Variants in TMEM45B observed in about 807,000 individuals in gnomAD.
The protein encoded by TMEM45B is transmembrane protein 45B.
In TMEM45B, 29 loss-of-function variants were observed where a neutral mutation model predicts 27.3. That is an observed-to-expected ratio of 1.06 (90% CI 0.79 to 1.45). TMEM45B has a LOEUF of 1.45. TMEM45B is among the 40% of genes most tolerant of loss of function. TMEM45B has a pLI of 0.00. For missense variants in TMEM45B, 348 were observed against 343.9 expected (o/e 1.01, Z -0.09); for synonymous variants, 143 against 134.7 (o/e 1.06, Z -0.43).
intron 1 of TMEM45B, among the ~76,000 whole-genome samples, chr11:129,835,224 A>C (rs1947606019): frequency 6.6e-6 from 1 of 152,258 alleles, no homozygotes; most frequent in Non-Finnish European, 1.5e-5. Context: ...CCATTCTACA[A>C]AAAGTGTGAA....
chr11:129,820,165 A>G (rs1156810812), intron 1 of TMEM45B, among the ~76,000 whole-genome samples: 1 of 151,972 alleles, frequency 6.6e-6, no homozygotes, highest in Admixed American at 6.6e-5. Flanking sequence ...AACACAAAAA[A>G]TCAGCCGGGC....
At chr11:129,857,204 C>A in intron 4 of TMEM45B, 109 bp from the exon 5 acceptor site, 1 of 1,303,198 alleles carries the variant, frequency 7.7e-7, no homozygotes, top group African/African-American at 1.5e-5. Context: ...AGTGTGGGAA[C>A]TATGAGGCGG....
chr11:129,815,867 G>A lies in TMEM45B; in HGVS notation c.-40G>A. 1 of 1,306,410 alleles carries A rather than the reference G, an allele frequency of 7.7e-7. No individual in the cohort carries two copies. The highest frequency in any genetic ancestry group is 9.7e-7 in the Non-Finnish European group (1 of 1,035,786). 80.9% of individuals were successfully genotyped at this position (1,306,410 alleles called of 1,614,324 possible). On this transcript the variant is annotated 5_prime_UTR_variant, in exon 1 of 6. Coordinates refer to ENST00000281441, the MANE Select transcript of TMEM45B (RefSeq NM_138788.5). ...GCGGACGCACTTGGCGCGCGGCGCG[G>A]GCTGCAGACGGCTGCGAGGCGCTGG... is the stretch of plus-strand genomic sequence containing the variant.
chr11:129,833,851 C>T (rs1490734650), intron 1 of TMEM45B, among the ~76,000 whole-genome samples: 1 of 152,240 alleles, frequency 6.6e-6, no homozygotes, highest in Non-Finnish European at 1.5e-5. Context: ...AGGCGGTCAT[C>T]TGCAAGCCCA....
intron 1 of TMEM45B, among the ~76,000 whole-genome samples, chr11:129,839,573 C>T (rs1383412997): frequency 2.0e-5 from 3 of 152,200 alleles, no homozygotes; most frequent in Admixed American, 6.5e-5. Flanking sequence ...TGTCACCCAG[C>T]GGTGGAGTGA....
chr11:129,839,672 T>C (rs1389155959), intron 1 of TMEM45B, among the ~76,000 whole-genome samples: 1 of 152,086 alleles, frequency 6.6e-6, no homozygotes, highest in Non-Finnish European at 1.5e-5. Context: ...CCCGAGTAGC[T>C]TGGACTACAG....
intron 1 of TMEM45B, among the ~76,000 whole-genome samples, chr11:129,847,805 C>T (rs1372073276): frequency 3.3e-5 from 5 of 152,126 alleles, no homozygotes; most frequent in Admixed American, 6.6e-5. Context: ...GACACAGCAA[C>T]CATCCGATTT....
rs567723417 is a variant in TMEM45B, at chr11:129,841,592, G to GTTTTTTTTTT, written c.-8-10876_-8-10867dup. On this transcript the variant is annotated intron_variant, in intron 1 of 5. Transcript: ENST00000281441. The stretch of plus-strand genomic sequence containing the variant: ...GCTTGAAGTTTTCTTTTGTTTTTTT[G>GTTTTTTTTTT]TTTTTTTTTTTTTTTTGGAGACAAG... Among the ~76,000 whole-genome samples, 27 of 124,586 alleles carry GTTTTTTTTTT rather than the reference G, an allele frequency of 2.2e-4. 2 individuals are homozygous for GTTTTTTTTTT. The highest frequency in any genetic ancestry group is 3.6e-4 in the Non-Finnish European group (22 of 61,346). The allele number at this position is 124,586 out of a possible 152,430, so 81.7% of individuals were successfully genotyped here. A position where few individuals can be genotyped will look rare whatever the true frequency, so the allele number is the denominator to read the frequency against.
At chr11:129,853,515 G>A (rs771089486) in intron 2 of TMEM45B, among the ~76,000 whole-genome samples, 22 of 152,246 alleles carry the variant, frequency 1.4e-4, no homozygotes, top group Non-Finnish European at 2.8e-4. Flanking sequence ...CCCGTGAGAA[G>A]TGACAGGGAC....
In TMEM45B at chr11:129,855,890, C is replaced by G. The variant is rs1235935028; in HGVS notation, c.568C>G (p.Gln190Glu). ...CATTCTTCAGGGAACCTGGTTCTGG[C>G]AGGTGATTTTCCACACCCAGGCCCC... ...LIILQGTWFW[Q>E]IGFVLFPPFG... The change falls in exon 4 of 6, where the codon CAG becomes GAG. Residue 190 changes from glutamine (Q) to glutamate (E), a missense_variant and splice_region_variant. By Grantham distance (29) the Gln-to-Glu change is conservative (BLOSUM62 2). Coordinates refer to ENST00000281441, the MANE Select transcript of TMEM45B (RefSeq NM_138788.5). 1.9e-6 allele frequency: 3 copies of G among 1,613,978 alleles called. No individual in the cohort carries two copies. Among genetic ancestry groups the G allele is most frequent in the Non-Finnish European group, 2.5e-6 (3 of 1,179,926 alleles).
chr11:129,833,172 G>A (rs1211528063), intron 1 of TMEM45B, among the ~76,000 whole-genome samples: 4 of 151,848 alleles, frequency 2.6e-5, no homozygotes, highest in Middle Eastern at 3.4e-3. Flanking sequence ...CCCGAGAGGT[G>A]GAGGCTGCAG....
intron 1 of TMEM45B, among the ~76,000 whole-genome samples, chr11:129,839,910 C>T (rs779129879): frequency 1.1e-4 from 16 of 152,122 alleles, no homozygotes; most frequent in Non-Finnish European, 1.6e-4. Context: ...GTATATTGCC[C>T]ACACCAGTTG....
chr11:129,850,281 C>T (rs187042343), intron 1 of TMEM45B: 1 of 152,388 alleles, frequency 6.6e-6, no homozygotes, highest in East Asian at 1.9e-4. Context: ...TCTCCTGCCT[C>T]AGTCTCCCGA....
chr11:129,854,623 G>A lies in TMEM45B; in HGVS notation c.192G>A (p.Glu64=), dbSNP rs771412065. The A allele has an allele frequency of 6.2e-7, 1 of 1,614,116 alleles. No homozygotes were observed. Among genetic ancestry groups the A allele is most frequent in the East Asian group, 2.2e-5 (1 of 44,900 alleles). ...ATTTCCCTGCAGGGATCCTGGCAGA[G>A]CAGTTTGTTCCGGATGGGCCCCACC... The part of the protein sequence containing the change: ...TLFSVTGILA[E]QFVPDGPHLH... Residue 64 remains glutamate (E), a synonymous_variant, in exon 3 of 6, where the codon GAG becomes GAA. Transcript: ENST00000281441.
chr11:129,834,507 A>C (rs894794598), intron 1 of TMEM45B, among the ~76,000 whole-genome samples: 5 of 150,022 alleles, frequency 3.3e-5, no homozygotes, highest in Non-Finnish European at 7.4e-5. Context: ...GAAAAAACAG[A>C]GCTGTAGAGA....
chr11:129,828,588 A>C (rs958714101), intron 1 of TMEM45B, among the ~76,000 whole-genome samples: 4 of 152,192 alleles, frequency 2.6e-5, no homozygotes, highest in Non-Finnish European at 5.9e-5. Flanking sequence ...AGCTCATAGA[A>C]CGTGAAGAGG....
In TMEM45B at chr11:129,831,677, A is replaced by G. The variant is rs1241573645; in HGVS notation, c.-9+15779A>G. 4.6e-5 allele frequency among the ~76,000 whole-genome samples: 7 copies of G among 152,360 alleles called. No individual in the cohort carries two copies. The East Asian group carries it at 1.3e-3, about 29-fold the overall frequency. ...CACACAAAAACATGCAATTCTTCACAGCATCATTATTCATAACAATTCAAA... is the reference window on the plus strand; with the variant it reads ...CACACAAAAACATGCAATTCTTCACGGCATCATTATTCATAACAATTCAAA... On this transcript the variant is annotated intron_variant, in intron 1 of 5. Transcript: ENST00000281441.
At chr11:129,841,716 C>T (rs986631870) in intron 1 of TMEM45B, among the ~76,000 whole-genome samples, 1 of 151,346 alleles carries the variant, frequency 6.6e-6, no homozygotes, top group Non-Finnish European at 1.5e-5. Flanking sequence ...CCTGCCTCAG[C>T]CTCCCAAGTT....
At chr11:129,822,841 C>CTTTTTTT (rs981694529) in intron 1 of TMEM45B, among the ~76,000 whole-genome samples, 6 of 134,118 alleles carry the variant, frequency 4.5e-5, no homozygotes, top group Non-Finnish European at 6.4e-5. Context: ...AAACATTTTT[C>CTTTTTTT]TTTTTTTTTT....
Sources: allele counts gnomAD v4.1 joint callset (sites outside exome capture counted in the v4.1 genomes callset), GRCh38; gene constraint gnomAD v4.1.1; transcripts MANE v1.5; gene names NCBI Gene and HGNC (gene_info 2026-07-23, HGNC 2026-07-21).